TRAF3IP3: variants seen among roughly 807,000 people sequenced by gnomAD.
The protein encoded by TRAF3IP3 is TRAF3-interacting JNK-activating modulator.
In TRAF3IP3, 64 loss-of-function variants were observed where a neutral mutation model predicts 86.5. That is an observed-to-expected ratio of 0.74 (90% CI 0.60 to 0.91). The LOEUF (loss-of-function observed/expected upper bound fraction) is 0.91, where lower values mean the gene tolerates loss of function less well. TRAF3IP3 is among the 40% of genes least tolerant of loss of function. The pLI, the probability that TRAF3IP3 is intolerant of heterozygous loss-of-function variation, is 0.00. For missense variants in TRAF3IP3, 579 were observed against 642.9 expected, an observed-to-expected ratio of 0.90 and a Z score of 1.07; for synonymous variants, 220 against 243.9, an observed-to-expected ratio of 0.90 and a Z score of 0.91.
intron 8 of TRAF3IP3, among the ~76,000 whole-genome samples, chr1:209,772,355 T>G (rs1169375520): frequency 6.6e-5 from 10 of 152,166 alleles, no homozygotes; most frequent in Admixed American, 6.5e-4. Context: ...CATATTGGAT[T>G]AGGGCCAGCT....
At chr1:209,763,257 A>G (rs1391367302) in intron 6 of TRAF3IP3, 106 bp from the exon 7 acceptor site, 7 of 1,446,168 alleles carry the variant, frequency 4.8e-6, no homozygotes, top group Non-Finnish European at 5.8e-6. Flanking sequence ...TCAGAGCCAA[A>G]GCAGAAGAGG....
chr1:209,778,178 GT>G lies in TRAF3IP3; in HGVS notation c.1252+7del. 1 of 1,613,868 alleles carries G rather than the reference GT, an allele frequency of 6.2e-7. No individual in the cohort carries two copies. The highest frequency in any genetic ancestry group is 8.5e-7 in the Non-Finnish European group (1 of 1,179,816). On this transcript the variant is annotated splice_donor_region_variant and intron_variant, in intron 13 of 16. Transcript: ENST00000367025. Reference sequence around the variant, plus strand: ...CCAGAGTACAGCAGTTGCAGGGTAAGTTCGCTTTCCAGATTCTGAAAGTCCA... The same window carrying G: ...CCAGAGTACAGCAGTTGCAGGGTAAGTCGCTTTCCAGATTCTGAAAGTCCA...
chr1:209,771,053 T>C (rs62644006), intron 8 of TRAF3IP3, among the ~76,000 whole-genome samples: 58,237 of 120,656 alleles, frequency 0.48, 14,996 homozygotes, highest in African/African-American at 0.67. Flanking sequence ...AGTGTGCGTG[T>C]GCATGTGGAG....
intron 11 of TRAF3IP3, 46 bp downstream of exon 11, chr1:209,775,782 A>AG: frequency 6.5e-7 from 1 of 1,542,788 alleles, no homozygotes; most frequent in Non-Finnish European, 8.7e-7. Context: ...TATGGGGAGG[A>AG]GGGATGGTGA....
At chr1:209,763,230 G>A (rs2077279527) in intron 6 of TRAF3IP3, 133 bp from the exon 7 acceptor site, 4 of 1,354,862 alleles carry the variant, frequency 3.0e-6, no homozygotes, top group Non-Finnish European at 3.2e-6. Flanking sequence ...ATAGACATGG[G>A]GACTAAAGGG....
intron 3 of TRAF3IP3, 28 bp downstream of exon 3, chr1:209,760,412 G>T: frequency 6.5e-7 from 1 of 1,532,628 alleles, no homozygotes; most frequent in Non-Finnish European, 8.8e-7. Context: ...ACATACTGCT[G>T]TGTGCTCTGG....
intron 3 of TRAF3IP3, 123 bp from the exon 4 acceptor site, chr1:209,762,392 G>A (rs948881261): frequency 8.7e-5 from 84 of 963,806 alleles, no homozygotes; most frequent in South Asian, 7.4e-4. Flanking sequence ...GATTTGGGCG[G>A]GGGGACAATA....
intron 3 of TRAF3IP3, among the ~76,000 whole-genome samples, chr1:209,761,308 G>A (rs1331068009): frequency 1.3e-5 from 2 of 152,220 alleles, no homozygotes; most frequent in Non-Finnish European, 2.9e-5. Context: ...CTAAGATTGT[G>A]TAACCCTTAG....
chr1:209,779,301 G>A lies in TRAF3IP3; in HGVS notation c.1253-14G>A, dbSNP rs376001279. 2 of 1,613,236 alleles carry A rather than the reference G, an allele frequency of 1.2e-6. No individual in the cohort carries two copies. The highest frequency in any genetic ancestry group is 1.3e-5 in the African/African-American group (1 of 74,830). ...ATATGCTAGCATAGACAAGTTCCTT[G>A]TGTTTTCCAACAGGTTTGCTTCAAA... On this transcript the variant is annotated splice_polypyrimidine_tract_variant and intron_variant, in intron 13 of 16. Transcript: ENST00000367025.
rs554095425 is a variant in TRAF3IP3, at chr1:209,775,389, T to G, written c.815T>G (p.Met272Arg). 5.0e-6 allele frequency: 8 copies of G among 1,614,048 alleles called. No individual in the cohort carries two copies. Among genetic ancestry groups the G allele is most frequent in the Admixed American group, 1.7e-5 (1 of 59,990 alleles). ...PWGMKKVLLE[M>R]EDQKNSYEQK... The stretch of plus-strand genomic sequence containing the variant: ...GGAATGAAAAAAGTACTACTGGAGA[T>G]GGAAGACCAGAAAAACAGCTATGAG... The change falls in exon 10 of 17, where the codon ATG becomes AGG. Residue 272 changes from methionine (M) to arginine (R), a missense_variant. By Grantham distance (91) the Met-to-Arg change is moderately conservative. Coordinates refer to ENST00000367025, the MANE Select transcript of TRAF3IP3 (RefSeq NM_025228.4).
chr1:209,781,230 G>T, intron 15 of TRAF3IP3, 115 bp from the exon 16 acceptor site: 1 of 633,942 alleles, frequency 1.6e-6, no homozygotes, highest in Non-Finnish European at 2.9e-6. Context: ...TGGCTGGGAA[G>T]GGAAGATGGT....
At chr1:209,761,586 G>A (rs1571911947) in intron 3 of TRAF3IP3, among the ~76,000 whole-genome samples, 1 of 152,266 alleles carries the variant, frequency 6.6e-6, no homozygotes. Flanking sequence ...AAAAGAAAAG[G>A]AACTGTATAC....
chr1:209,757,248 C>A (rs568264746), intron 1 of TRAF3IP3, among the ~76,000 whole-genome samples: 1 of 152,220 alleles, frequency 6.6e-6, no homozygotes, highest in Non-Finnish European at 1.5e-5. Flanking sequence ...GAGAGCAGAG[C>A]AGCTGTGTGT....
In TRAF3IP3 at chr1:209,763,407, A is replaced by T; in HGVS notation, c.606+15A>T. The T allele has an allele frequency of 1.2e-6, 2 of 1,613,688 alleles. No individual in the cohort carries two copies. The highest frequency in any genetic ancestry group is 1.7e-6 in the Non-Finnish European group (2 of 1,179,836). ...ATTACCTCAAAGTAAGTGGCATGTG[A>T]CCCCTCCCCTCAGTTCCTCCATCCA... On this transcript the variant is annotated intron_variant, in intron 7 of 16. Transcript: ENST00000367025.
In TRAF3IP3 at chr1:209,775,372, A is replaced by C; in HGVS notation, c.798A>C (p.Lys266Asn). 1 of 1,613,764 alleles carries C rather than the reference A, an allele frequency of 6.2e-7. No homozygotes were observed. The change falls in exon 10 of 17, where the codon AAA becomes AAC. Residue 266 changes from lysine to asparagine, a missense_variant. Transcript: ENST00000367025. ...AGAAATACTCCCCTTGGGGAATGAA[A>C]AAAGTACTACTGGAGATGGAAGACC... The part of the protein sequence containing the change: ...CTQKYSPWGM[K>N]KVLLEMEDQK...
rs2077698040 is a variant in TRAF3IP3 at position 209,778,143 on chromosome 1, A to AC, written c.1225dup (p.Leu409ProfsTer43). On this transcript the variant is annotated frameshift_variant, in exon 13 of 17. Transcript: ENST00000367025. LOFTEE classifies it high-confidence loss of function. ...AAAAAGGTCAGAGGCAGAGAAACTC[A>AC]CCCTGGTGACCAGAGTACAGCAGTT... is the stretch of plus-strand genomic sequence containing the variant. The AC allele has an allele frequency of 8.7e-6, 14 of 1,614,000 alleles. No homozygotes were observed. Among genetic ancestry groups the AC allele is most frequent in the Non-Finnish European group, 1.1e-5 (13 of 1,179,982 alleles).
At chr1:209,778,950 C>A in intron 13 of TRAF3IP3, 1 of 270,502 alleles carries the variant, frequency 3.7e-6, no homozygotes, top group Non-Finnish European at 7.1e-6. Context: ...AAGATCTATC[C>A]CAGGGCTCTT....
At chr1:209,756,606 T>C (rs1266049900) in intron 1 of TRAF3IP3, among the ~76,000 whole-genome samples, 1 of 152,138 alleles carries the variant, frequency 6.6e-6, no homozygotes. Flanking sequence ...ATGAATTAAA[T>C]GACCTTTTAC....
In TRAF3IP3 at chr1:209,770,324, T is replaced by A. The variant is rs368221048; in HGVS notation, c.703-2624T>A. Among the ~76,000 whole-genome samples the A allele has an allele frequency of 6.0e-4, 92 of 152,282 alleles. 2 individuals carry two copies. The highest frequency in any genetic ancestry group is 2.0e-3 in the African/African-American group (85 of 41,560). Reference sequence around the variant, plus strand: ...GCATGTGGAAATGTATGTATGCAGGTGGAGGTGTGTGTGTGGAGATGGAAG... The same window carrying A: ...GCATGTGGAAATGTATGTATGCAGGAGGAGGTGTGTGTGTGGAGATGGAAG... On this transcript the variant is annotated intron_variant, in intron 8 of 16. Transcript: ENST00000367025.
Sources: gnomAD v4.1 joint callset for allele counts (sites outside exome capture counted in the v4.1 genomes callset) on GRCh38, gnomAD v4.1.1 for gene constraint, MANE v1.5 for transcripts, NCBI Gene and HGNC (gene_info 2026-07-23, HGNC 2026-07-21) for gene names.